The following FCGR2A variants were observed in gnomAD, a reference collection of about 807,000 sequenced individuals.
The protein encoded by FCGR2A is Fc gamma receptor IIa.
FCGR2A carries 18 observed loss-of-function variants against 29.3 expected under a neutral mutation model. The observed-to-expected ratio is 0.62, with a 90% CI of 0.43 to 0.91. The LOEUF (loss-of-function observed/expected upper bound fraction) is 0.91, where lower values mean the gene tolerates loss of function less well. Among genes scored for constraint, FCGR2A ranks in the 40% least tolerant of loss-of-function variants. The pLI is 0.00. For synonymous variants in FCGR2A, 126 were observed against 144.8 expected (o/e 0.87, Z 0.93); for missense variants, 287 against 393.0 (o/e 0.73, Z 2.28).
chr1:161,508,105 A>AG (rs1193291332), intron 3 of FCGR2A, among the ~76,000 whole-genome samples: 7 of 151,012 alleles, frequency 4.6e-5, no homozygotes, highest in Admixed American at 4.0e-4. Flanking sequence ...AAAAAAAAAA[A>AG]AAAAAAATTG....
downstream of FCGR2A, chr1:161,523,546 G>A (rs551397176): frequency 6.4e-4 from 97 of 152,174 alleles, 1 homozygote; most frequent in Admixed American, 4.6e-3. Context: ...TCTCCACCGG[G>A]CCTCTGGAGA....
In FCGR2A at chr1:161,513,906, G is replaced by C; in HGVS notation, c.754G>C (p.Asp252His). ...CTTTTTCCCCACAGCCAATTCCACT[G>C]ATCCTGTGAAGGCTGCCCAATTTGA... ...RKKRISANST[D>H]PVKAAQFEPP... The change falls in exon 6 of 7, where the codon GAT becomes CAT. Residue 252 changes from aspartate to histidine, a missense_variant. By Grantham distance (81) the Asp-to-His change is moderately conservative. Around this residue, in one of 3 missense-constraint regions of FCGR2A, gnomAD observed 72 missense variants for 68.6 expected, o/e 1.05. Transcript: ENST00000271450. The C allele has an allele frequency of 1.2e-6, 2 of 1,614,236 alleles. No homozygotes were observed. Among genetic ancestry groups the C allele is most frequent in the African/African-American group, 1.3e-5 (1 of 75,054 alleles).
chr1:161,523,062 T>A (rs529024324), downstream of FCGR2A: 7 of 152,298 alleles, frequency 4.6e-5, no homozygotes, highest in South Asian at 1.5e-3. Flanking sequence ...AGAAGCCAAC[T>A]TTTAAGTTTC....
At chr1:161,523,868 C>G (rs772415025), downstream of FCGR2A, 2 of 151,928 alleles carry the variant, frequency 1.3e-5, no homozygotes, top group African/African-American at 2.4e-5. Flanking sequence ...GGAATCGAAC[C>G]CGGGCCTCCC....
rs1421991628 is a variant in FCGR2A at position 161,519,783 on chromosome 1, C to A, written c.*1635C>A. ...ACTTGTATTCTTGTTTCCATGTCTTCTTCCCTTTCCTTCTATAGCAAATAA... is the reference window on the plus strand; with the variant it reads ...ACTTGTATTCTTGTTTCCATGTCTTATTCCCTTTCCTTCTATAGCAAATAA... On this transcript the variant is annotated 3_prime_UTR_variant, in exon 7 of 7. Coordinates refer to ENST00000271450, the MANE Select transcript of FCGR2A (RefSeq NM_001136219.3). 1 of 152,100 alleles carries A rather than the reference C, an allele frequency of 6.6e-6. No homozygotes were observed. The highest frequency in any genetic ancestry group is 1.5e-5 in the Non-Finnish European group (1 of 68,008). The allele number at this position is 152,100 out of a possible 1,614,324, so 9.4% of individuals were successfully genotyped here. A position where few individuals can be genotyped will look rare whatever the true frequency, so the allele number is the denominator to read the frequency against.
At chr1:161,516,237 A>G (rs560519657) in intron 6 of FCGR2A, among the ~76,000 whole-genome samples, 12 of 152,120 alleles carry the variant, frequency 7.9e-5, no homozygotes, top group Non-Finnish European at 1.3e-4. Flanking sequence ...CACCATTTCC[A>G]GATAAGACAA....
intron 4 of FCGR2A, 40 bp downstream of exon 4, chr1:161,510,114 G>A: frequency 6.2e-7 from 1 of 1,610,036 alleles, no homozygotes; most frequent in Admixed American, 1.7e-5. Flanking sequence ...GGGAGAAGAG[G>A]GGATGGACAA....
rs1267211009 is a variant in FCGR2A, at chr1:161,514,069, C to T, written c.780+137C>T. On this transcript the variant is annotated intron_variant, in intron 6 of 6. Coordinates refer to ENST00000271450, the MANE Select transcript of FCGR2A (RefSeq NM_001136219.3). ...TCCTGAGCAAACAAAGCCACCCAGG[C>T]CTTAGAAATAGCCTTATCATTGCTT... The T allele has an allele frequency of 9.9e-6, 12 of 1,209,948 alleles. 1 individual carries two copies. In the South Asian group the frequency reaches 1.2e-4, roughly 12 times the overall value. 75.0% of individuals were successfully genotyped at this position (1,209,948 alleles called of 1,614,324 possible).
Position 161,518,165 on chromosome 1 carries a change from A to T in FCGR2A, c.*17A>T. On this transcript the variant is annotated 3_prime_UTR_variant, in exon 7 of 7. Coordinates refer to ENST00000271450, the MANE Select transcript of FCGR2A (RefSeq NM_001136219.3). ...AATAACTAAAGAGTAACGTTATGCC[A>T]TGTGGTCATACTCTCAGCTTGCTGA... 1 of 1,611,720 alleles carries T rather than the reference A, an allele frequency of 6.2e-7. No individual in the cohort carries two copies. Among genetic ancestry groups the T allele is most frequent in the Non-Finnish European group, 8.5e-7 (1 of 1,179,006 alleles).
At chr1:161,521,790 C>G (rs931557977), downstream of FCGR2A, among the ~76,000 whole-genome samples, 1 of 151,806 alleles carries the variant, frequency 6.6e-6, no homozygotes, top group African/African-American at 2.4e-5. Context: ...TGTGAGGCCT[C>G]CCAGCCACGT....
At chr1:161,506,096 T>A (rs1330603674) in intron 2 of FCGR2A, 89 bp downstream of exon 2, 4 of 1,397,888 alleles carry the variant, frequency 2.9e-6, no homozygotes, top group Non-Finnish European at 4.1e-6. Context: ...GGGGTATGTC[T>A]ATTCCACTGA....
At position 161,505,487 on chromosome 1, in the gene FCGR2A, T is replaced by A; in HGVS notation, c.20T>A (p.Met7Lys). ...GCTGGGATGACTATGGAGACCCAAA[T>A]GTCTCAGAATGTATGTCCCAGAAAC... MTMETQ[M>K]SQNVCPRNLW... Residue 7 changes from methionine to lysine, a missense_variant, in exon 1 of 7, where the codon ATG becomes AAG. Met to Lys is a moderately conservative substitution (Grantham distance 95). Transcript: ENST00000271450. 1 of 1,613,898 alleles carries A rather than the reference T, an allele frequency of 6.2e-7. No individual in the cohort carries two copies. The highest frequency in any genetic ancestry group is 2.2e-5 in the East Asian group (1 of 44,880).
At chr1:161,510,363 T>C in intron 4 of FCGR2A, 1 of 642,798 alleles carries the variant, frequency 1.6e-6, no homozygotes, top group Non-Finnish European at 2.8e-6. Context: ...ATGCAGAGGT[T>C]CCCTAAGCTC....
Position 161,510,865 on chromosome 1 carries a change from G to A in FCGR2A, c.651G>A (p.Gly217=), listed in dbSNP as rs763997254. 6.2e-7 allele frequency: 1 copy of A among 1,614,176 alleles called. No homozygotes were observed. Among genetic ancestry groups the A allele is most frequent in the Admixed American group, 1.7e-5 (1 of 60,022 alleles). ...GCATGGGCAGCTCTTCACCAATGGG[G>A]ATCATTGTGGCTGTGGTCATTGCGA... The part of the protein sequence containing the change: ...VPSMGSSSPM[G]IIVAVVIATA... Residue 217 remains glycine (G), a synonymous_variant, in exon 5 of 7, where the codon GGG becomes GGA. Coordinates refer to ENST00000271450, the MANE Select transcript of FCGR2A (RefSeq NM_001136219.3).
chr1:161,522,930 C>T (rs1032684542), downstream of FCGR2A: 4 of 152,032 alleles, frequency 2.6e-5, no homozygotes, highest in African/African-American at 9.7e-5. Flanking sequence ...TAAAAAGTCC[C>T]TTGAACTTCC....
chr1:161,515,257 T>C (rs1015655613), intron 6 of FCGR2A, among the ~76,000 whole-genome samples: 1 of 152,262 alleles, frequency 6.6e-6, no homozygotes, highest in African/African-American at 2.4e-5. Flanking sequence ...ATTCTAAACC[T>C]ATTAACCTCT....
intron 5 of FCGR2A, among the ~76,000 whole-genome samples, chr1:161,511,611 A>G (rs572717717): frequency 1.8e-4 from 28 of 152,294 alleles, no homozygotes; most frequent in South Asian, 1.0e-3. Context: ...AGGTGGGAGC[A>G]GCCCCTGAGC....
intron 5 of FCGR2A, chr1:161,513,643 C>T: frequency 1.8e-6 from 1 of 569,236 alleles, no homozygotes; most frequent in Non-Finnish European, 3.1e-6. Context: ...CTCAGCAATT[C>T]CCTGAAAAGA....
intron 5 of FCGR2A, among the ~76,000 whole-genome samples, chr1:161,512,425 A>G (rs2102474803): frequency 1.4e-5 from 2 of 147,588 alleles, no homozygotes; most frequent in Admixed American, 1.4e-4. Flanking sequence ...GGTTGACTGA[A>G]TTTTGGCCTG....
Sources: allele counts gnomAD v4.1 joint callset (sites outside exome capture counted in the v4.1 genomes callset), GRCh38; gene constraint gnomAD v4.1.1; regional missense constraint gnomAD v4.1.1; transcripts MANE v1.5; gene names NCBI Gene and HGNC (gene_info 2026-07-23, HGNC 2026-07-21).